Variants in ULK4 observed in about 807,000 individuals in gnomAD.
ULK4 encodes unc-51 like kinase 4.
In ULK4, 133 loss-of-function variants were observed where a neutral mutation model predicts 160.6. The ratio of observed to expected loss-of-function variants is 0.83; its 90% CI spans 0.72 to 0.96. The LOEUF (loss-of-function observed/expected upper bound fraction) is 0.96. Among genes scored for constraint, ULK4 ranks in the 40% least tolerant of loss-of-function variants. ULK4 has a pLI of 0.00. For missense variants in ULK4, 1,580 were observed against 1,499.5 expected (o/e 1.05, Z -0.89); for synonymous variants, 534 against 539.8 (o/e 0.99, Z 0.15).
intron 34 of ULK4, among the ~76,000 whole-genome samples, chr3:41,408,918 AC>A (rs2082352861): frequency 1.3e-5 from 2 of 152,086 alleles, no homozygotes; most frequent in African/African-American, 4.8e-5. Context: ...ATGAAACTGG[AC>A]CCCACATCAC....
At chr3:41,297,122 C>A (rs749176852) in intron 35 of ULK4, among the ~76,000 whole-genome samples, 1 of 152,214 alleles carries the variant, frequency 6.6e-6, no homozygotes, top group Non-Finnish European at 1.5e-5. Context: ...CTTTGCTTCA[C>A]TGAAGCCCAT....
At chr3:41,662,189 T>G (rs1462665128) in intron 30 of ULK4, among the ~76,000 whole-genome samples, 2 of 152,194 alleles carry the variant, frequency 1.3e-5, no homozygotes. Flanking sequence ...AGTGAGGAAT[T>G]TGGAAGGCTC....
rs55866351 is a variant in ULK4 at position 41,693,569 on chromosome 3, T to C, written c.2781+11488A>G. On this transcript the variant is annotated intron_variant, in intron 27 of 36. Coordinates refer to ENST00000301831, the MANE Select transcript of ULK4 (RefSeq NM_017886.4). ...AAAATGCAAAAGAACATATATAGTA[T>C]GTTACATTCAGTATAAGAAGGAAAA... is the stretch of plus-strand genomic sequence containing the variant. Among the ~76,000 whole-genome samples the C allele has an allele frequency of 6.4e-3, 980 of 152,284 alleles. 14 individuals are homozygous for C. Among genetic ancestry groups the C allele is most frequent in the African/African-American group, 0.023 (946 of 41,542 alleles).
Position 41,631,505 on chromosome 3 carries a change from T to C in ULK4, c.3072-15788A>G, listed in dbSNP as rs181652333. 3.5e-4 allele frequency among the ~76,000 whole-genome samples: 53 copies of C among 152,338 alleles called. 1 individual carries two copies. The highest frequency in any genetic ancestry group is 1.1e-3 in the African/African-American group (45 of 41,580). ...TGATTTAGGGAAATCATCCATTGCCTACCAGCATTAAAAATATGGATTTTA... is the reference window on the plus strand; with the variant it reads ...TGATTTAGGGAAATCATCCATTGCCCACCAGCATTAAAAATATGGATTTTA... On this transcript the variant is annotated intron_variant, in intron 30 of 36. Coordinates refer to ENST00000301831, the MANE Select transcript of ULK4 (RefSeq NM_017886.4).
At chr3:41,849,092 T>TA (rs1203522760) in intron 17 of ULK4, among the ~76,000 whole-genome samples, 2 of 152,174 alleles carry the variant, frequency 1.3e-5, no homozygotes, top group African/African-American at 2.4e-5. Context: ...GTGCTGAGGT[T>TA]AGCTGCCCAC....
chr3:41,652,727 C>T (rs1227477226), intron 30 of ULK4, among the ~76,000 whole-genome samples: 1 of 152,182 alleles, frequency 6.6e-6, no homozygotes, highest in Admixed American at 6.5e-5. Context: ...CCACATGACA[C>T]TGAGAACGAC....
intron 30 of ULK4, among the ~76,000 whole-genome samples, chr3:41,637,811 A>G (rs2034018677): frequency 6.6e-6 from 1 of 152,194 alleles, no homozygotes; most frequent in Admixed American, 6.5e-5. Context: ...GCATTTCTTC[A>G]TAGATCTGTT....
intron 20 of ULK4, among the ~76,000 whole-genome samples, chr3:41,796,272 G>C (rs1317729129): frequency 6.6e-6 from 1 of 152,146 alleles, no homozygotes; most frequent in Non-Finnish European, 1.5e-5. Context: ...CTCTCTGTCT[G>C]AGAAGAGTTC....
At position 41,702,855 on chromosome 3, in the gene ULK4, G is replaced by GTTT. The variant is rs778490796; in HGVS notation, c.2781+2199_2781+2201dup. ...AGTTTTTTTTGTTTGTTTTTTTTTG[G>GTTT]TTTTGTTTTTTTTTTTTGAGATGGA... On this transcript the variant is annotated intron_variant, in intron 27 of 36. Transcript: ENST00000301831. Among the ~76,000 whole-genome samples, 29 of 146,274 alleles carry GTTT rather than the reference G, an allele frequency of 2.0e-4. 1 individual carries two copies. Among genetic ancestry groups the GTTT allele is most frequent in the African/African-American group, 6.9e-4 (26 of 37,650 alleles).
intron 34 of ULK4, among the ~76,000 whole-genome samples, chr3:41,410,166 C>A (rs113814699): frequency 1.5e-4 from 23 of 152,072 alleles, no homozygotes; most frequent in Middle Eastern, 3.4e-3. Context: ...ACTATATGAC[C>A]CAGCTCCCAG....
rs2078708214 is a variant in ULK4 at position 41,249,657 on chromosome 3, G to C, written c.3679-83C>G. The C allele has an allele frequency of 4.2e-6, 6 of 1,413,264 alleles. No homozygotes were observed. In the Middle Eastern group the frequency reaches 7.3e-4, roughly 171 times the overall value. 87.5% of individuals were successfully genotyped at this position (1,413,264 alleles called of 1,614,324 possible). Reference sequence around the variant, plus strand: ...TGTTGGATGGGCACCCTGAGTATCAGGCCTGCATGGTGCTGTGGCTGCCTA... The same window carrying C: ...TGTTGGATGGGCACCCTGAGTATCACGCCTGCATGGTGCTGTGGCTGCCTA... On this transcript the variant is annotated intron_variant, in intron 35 of 36. Coordinates refer to ENST00000301831, the MANE Select transcript of ULK4 (RefSeq NM_017886.4).
intron 6 of ULK4, 123 bp downstream of exon 6, chr3:41,919,592 ACT>A (rs762049131): frequency 1.5e-5 from 12 of 777,184 alleles, no homozygotes; most frequent in Non-Finnish European, 2.3e-5. Context: ...ACAGTACGAG[ACT>A]CTGTCTCAAA....
intron 30 of ULK4, among the ~76,000 whole-genome samples, chr3:41,640,099 T>C (rs1434335751): frequency 6.6e-6 from 1 of 152,144 alleles, no homozygotes; most frequent in Admixed American, 6.5e-5. Context: ...AACATAATCA[T>C]CATCTTCTCA....
chr3:41,603,500 A>C (rs562243347), intron 31 of ULK4, among the ~76,000 whole-genome samples: 6 of 152,220 alleles, frequency 3.9e-5, no homozygotes, highest in African/African-American at 1.4e-4. Context: ...ACAGGATCTA[A>C]CCAACTTTTA....
chr3:41,260,866 C>A (rs138204503), intron 35 of ULK4, among the ~76,000 whole-genome samples: 110 of 152,288 alleles, frequency 7.2e-4, no homozygotes, highest in African/African-American at 2.2e-3. Flanking sequence ...CTATGTGAGG[C>A]GGTCTGTCAC....
chr3:41,871,679 T>C (rs907827834), intron 17 of ULK4, among the ~76,000 whole-genome samples: 3 of 152,244 alleles, frequency 2.0e-5, no homozygotes, highest in Admixed American at 2.0e-4. Flanking sequence ...TTGCCCATTT[T>C]CTAATCGAAT....
chr3:41,476,513 GGT>G (rs1216799880), intron 32 of ULK4, among the ~76,000 whole-genome samples: 1 of 152,272 alleles, frequency 6.6e-6, no homozygotes, highest in Non-Finnish European at 1.5e-5. Context: ...AGTGGAGATG[GGT>G]GTGTGGCTCT....
At chr3:41,625,225 T>G (rs1198445067) in intron 30 of ULK4, among the ~76,000 whole-genome samples, 2 of 152,216 alleles carry the variant, frequency 1.3e-5, no homozygotes, top group African/African-American at 2.4e-5. Context: ...TGTTCTGTAA[T>G]GTACTGAGTG....
chr3:41,632,996 G>C (rs534594402), intron 30 of ULK4, among the ~76,000 whole-genome samples: 1 of 152,178 alleles, frequency 6.6e-6, no homozygotes, highest in Non-Finnish European at 1.5e-5. Context: ...CCTGGGCAAA[G>C]GGAATAGCAT....
Sources: allele counts gnomAD v4.1 joint callset (sites outside exome capture counted in the v4.1 genomes callset), GRCh38; gene constraint gnomAD v4.1.1; transcripts MANE v1.5; gene names NCBI Gene and HGNC (gene_info 2026-07-23, HGNC 2026-07-21).